Variants in WNT7A observed in about 807,000 individuals in gnomAD.
WNT7A encodes the protein protein Wnt-7a.
WNT7A carries 16 observed loss-of-function variants against 28.2 expected under a neutral mutation model. The observed-to-expected ratio is 0.57, with a 90% CI of 0.38 to 0.86. The LOEUF (loss-of-function observed/expected upper bound fraction) is 0.86. Ranked by LOEUF, WNT7A falls within the 40% of genes least tolerant of loss-of-function variation. The pLI, the probability that WNT7A is intolerant of heterozygous loss-of-function variation, is 0.00. For synonymous variants in WNT7A, 190 were observed against 195.9 expected, an observed-to-expected ratio of 0.97 and a Z score of 0.25; for missense variants, 411 against 489.7, an observed-to-expected ratio of 0.84 and a Z score of 1.52.
intron 3 of WNT7A, among the ~76,000 whole-genome samples, chr3:13,827,761 G>A (rs965737756): frequency 1.3e-5 from 2 of 152,130 alleles, no homozygotes; most frequent in East Asian, 1.9e-4. Context: ...GAGGGGCATC[G>A]AATTTTAAAA....
chr3:13,862,424 G>A (rs916620036), intron 2 of WNT7A, among the ~76,000 whole-genome samples: 5 of 152,250 alleles, frequency 3.3e-5, no homozygotes, highest in African/African-American at 4.8e-5. Context: ...ACCACAAAGT[G>A]CATTGTATTT....
intron 2 of WNT7A, among the ~76,000 whole-genome samples, chr3:13,873,337 T>A (rs1312430053): frequency 6.6e-6 from 1 of 151,778 alleles, no homozygotes; most frequent in Non-Finnish European, 1.5e-5. Context: ...CCTGGTGACA[T>A]TTGTCACCAG....
At position 13,818,350 on chromosome 3, in the gene WNT7A, G is replaced by GAAAAAAAAAAAAAAAAAAAAAAAAA. The variant is rs1491270987; in HGVS notation, c.*593_*594insTTTTTTTTTTTTTTTTTTTTTTTTT. The GAAAAAAAAAAAAAAAAAAAAAAAAA allele has an allele frequency of 1.1e-4, 2 of 18,158 alleles. No individual in the cohort carries two copies. The highest frequency in any genetic ancestry group is 9.2e-4 in the African/African-American group (2 of 2,166). The allele number at this position is 18,158 out of a possible 1,614,324, so 1.1% of individuals were successfully genotyped here. A position where few individuals can be genotyped will look rare whatever the true frequency, so the allele number is the denominator to read the frequency against. Reference sequence around the variant, plus strand: ...ATTTCTGGATAAGTAGCAGCAAACAGCAAAAAAAAAAAAAAAAATGTGTGT... The same window carrying GAAAAAAAAAAAAAAAAAAAAAAAAA: ...ATTTCTGGATAAGTAGCAGCAAACAGAAAAAAAAAAAAAAAAAAAAAAAAACAAAAAAAAAAAAAAAAATGTGTGT... On this transcript the variant is annotated 3_prime_UTR_variant, in exon 4 of 4. Coordinates refer to ENST00000285018, the MANE Select transcript of WNT7A (RefSeq NM_004625.4).
chr3:13,858,172 A>G (rs190304122), intron 2 of WNT7A, among the ~76,000 whole-genome samples: 3 of 152,290 alleles, frequency 2.0e-5, no homozygotes, highest in Admixed American at 2.0e-4. Context: ...GGATGAAATG[A>G]TTCCCAGGTG....
intron 3 of WNT7A, among the ~76,000 whole-genome samples, chr3:13,848,322 G>A (rs567756278): frequency 6.6e-6 from 1 of 152,154 alleles, no homozygotes; most frequent in African/African-American, 2.4e-5. Context: ...TTTGCCAACC[G>A]CATGTCTGAC....
rs1215442452 is a variant in WNT7A at position 13,817,487 on chromosome 3, A to G, written c.*1457T>C. The stretch of plus-strand genomic sequence containing the variant: ...ACACACACACCGGAAATGCAAACGG[A>G]CACATATTAGAACACCCCCAGCCTG... On this transcript the variant is annotated 3_prime_UTR_variant, in exon 4 of 4. Transcript: ENST00000285018. 1 of 153,584 alleles carries G rather than the reference A, an allele frequency of 6.5e-6. No homozygotes were observed. Among genetic ancestry groups the G allele is most frequent in the Non-Finnish European group, 1.4e-5 (1 of 69,328 alleles). 9.5% of individuals were successfully genotyped at this position (153,584 alleles called of 1,614,324 possible). A position where few individuals can be genotyped will look rare whatever the true frequency, so the allele number is the denominator to read the frequency against.
intron 2 of WNT7A, among the ~76,000 whole-genome samples, chr3:13,864,345 C>T (rs1694878251): frequency 6.6e-6 from 1 of 152,152 alleles, no homozygotes; most frequent in Admixed American, 6.5e-5. Context: ...CCTCTTCTAC[C>T]CTCCCTACGC....
At chr3:13,865,737 T>G (rs1331436343) in intron 2 of WNT7A, among the ~76,000 whole-genome samples, 3 of 152,184 alleles carry the variant, frequency 2.0e-5, no homozygotes, top group African/African-American at 7.2e-5. Context: ...GGAGCTGGCC[T>G]GCCTGGGGGC....
chr3:13,840,107 G>T (rs1332873460), intron 3 of WNT7A, among the ~76,000 whole-genome samples: 2 of 152,144 alleles, frequency 1.3e-5, no homozygotes, highest in African/African-American at 4.8e-5. Flanking sequence ...TGGCCTCTTT[G>T]CCTCTGGGCT....
At chr3:13,865,341 A>G (rs6442414) in intron 2 of WNT7A, among the ~76,000 whole-genome samples, 98,852 of 152,028 alleles carry the variant, frequency 0.65, 32,906 homozygotes, top group East Asian at 0.94. Flanking sequence ...AGTAGGCGGC[A>G]GGTGGAGCCT....
In WNT7A at chr3:13,856,153, C is replaced by T. The variant is rs572728312; in HGVS notation, c.299-1350G>A. Among the ~76,000 whole-genome samples, 21 of 152,278 alleles carry T rather than the reference C, an allele frequency of 1.4e-4. 1 individual carries two copies. Among genetic ancestry groups the T allele is most frequent in the African/African-American group, 4.6e-4 (19 of 41,570 alleles). On this transcript the variant is annotated intron_variant, in intron 2 of 3. Coordinates refer to ENST00000285018, the MANE Select transcript of WNT7A (RefSeq NM_004625.4). Reference sequence around the variant, plus strand: ...CATGCCAGGGCTGTCTTTGCCGTGGCGTGCCATGCCAGCCCACCCATGGTG... The same window carrying T: ...CATGCCAGGGCTGTCTTTGCCGTGGTGTGCCATGCCAGCCCACCCATGGTG...
chr3:13,873,055 C>T (rs750046592), intron 2 of WNT7A, among the ~76,000 whole-genome samples: 1 of 151,950 alleles, frequency 6.6e-6, no homozygotes, highest in Non-Finnish European at 1.5e-5. Flanking sequence ...GAAGAAAGCA[C>T]AAAAACCACA....
chr3:13,830,689 C>A (rs910710229), intron 3 of WNT7A, among the ~76,000 whole-genome samples: 7 of 152,162 alleles, frequency 4.6e-5, no homozygotes, highest in Admixed American at 2.6e-4. Flanking sequence ...CTGCCTAGAA[C>A]CACAGCGCCT....
intron 2 of WNT7A, among the ~76,000 whole-genome samples, chr3:13,868,508 G>C (rs1000186070): frequency 6.9e-6 from 1 of 143,986 alleles, no homozygotes; most frequent in Non-Finnish European, 1.5e-5. Flanking sequence ...AAGAAAGAAA[G>C]AGAGAGAGAA....
At position 13,818,719 on chromosome 3, in the gene WNT7A, G is replaced by T; in HGVS notation, c.*225C>A. 1 of 596,536 alleles carries T rather than the reference G, an allele frequency of 1.7e-6. No individual in the cohort carries two copies. Among genetic ancestry groups the T allele is most frequent in the Non-Finnish European group, 2.7e-6 (1 of 375,222 alleles). The allele number at this position is 596,536 out of a possible 1,614,324, so 37.0% of individuals were successfully genotyped here. ...TTCGCTCCAGCCGCGGAGGGACCTG[G>T]GCTGTGTCTGGGGGAGGGTGGAGCA... is the stretch of plus-strand genomic sequence containing the variant. On this transcript the variant is annotated 3_prime_UTR_variant, in exon 4 of 4. Coordinates refer to ENST00000285018, the MANE Select transcript of WNT7A (RefSeq NM_004625.4).
At chr3:13,824,289 C>G (rs1694160737) in intron 3 of WNT7A, among the ~76,000 whole-genome samples, 1 of 152,146 alleles carries the variant, frequency 6.6e-6, no homozygotes, top group Admixed American at 6.5e-5. Context: ...CGCTAATCTA[C>G]CTGCTGTCTT....
chr3:13,819,013 C>T lies in WNT7A; in HGVS notation c.981G>A (p.Lys327=). 6.2e-7 allele frequency: 1 copy of T among 1,611,530 alleles called. No individual in the cohort carries two copies. Residue 327 remains lysine, a synonymous_variant, in exon 4 of 4, where the codon AAG becomes AAA. Coordinates refer to ENST00000285018, the MANE Select transcript of WNT7A (RefSeq NM_004625.4). ...QYARVWQCNC[K]FHWCCYVKCN... is the part of the protein sequence containing the mutation. ...ACTTGACATAGCAGCACCAGTGGAA[C>T]TTACAGTTGCACTGCCACACGCGGG...
At chr3:13,840,851 C>T (rs1694446200) in intron 3 of WNT7A, among the ~76,000 whole-genome samples, 4 of 152,174 alleles carry the variant, frequency 2.6e-5, no homozygotes, top group Admixed American at 2.6e-4. Context: ...ATTCATCCTA[C>T]CACTCAGCCA....
chr3:13,869,262 GAGAA>G (rs1694990506), intron 2 of WNT7A, among the ~76,000 whole-genome samples: 1 of 138,856 alleles, frequency 7.2e-6, no homozygotes, highest in Non-Finnish European at 1.5e-5. Flanking sequence ...AAGAAAGAGG[GAGAA>G]AGAAAAGAAA....
Sources: gnomAD v4.1 joint callset for allele counts (sites outside exome capture counted in the v4.1 genomes callset) on GRCh38, gnomAD v4.1.1 for gene constraint, MANE v1.5 for transcripts, NCBI Gene and HGNC (gene_info 2026-07-23, HGNC 2026-07-21) for gene names.